The following COL9A1 variants were observed in gnomAD, a reference collection of about 807,000 sequenced individuals.
The protein encoded by COL9A1 is collagen type IX alpha 1 chain, also known as collagen alpha-1(IX) chain.
In COL9A1, 104 loss-of-function variants were observed where a neutral mutation model predicts 142.6. That is an observed-to-expected ratio of 0.73 (90% confidence interval 0.62 to 0.86). COL9A1 has a LOEUF of 0.86. Among genes scored for constraint, COL9A1 ranks in the 40% least tolerant of loss-of-function variants. COL9A1 has a pLI of 0.00. For synonymous variants in COL9A1, 466 were observed against 396.0 expected (o/e 1.18, Z -2.10); for missense variants, 1,210 against 1,176.6 (o/e 1.03, Z -0.42).
chr6:70,249,949 G>T (rs557920872), intron 28 of COL9A1, among the ~76,000 whole-genome samples: 3 of 152,074 alleles, frequency 2.0e-5, no homozygotes, highest in African/African-American at 7.2e-5. Context: ...TAACTATATA[G>T]AGCTTTCTGC....
intron 28 of COL9A1, 128 bp from the exon 29 acceptor site, chr6:70,242,843 G>C (rs1770353001): frequency 1.3e-6 from 1 of 787,512 alleles, no homozygotes; most frequent in South Asian, 1.4e-5. Flanking sequence ...ATCCTACATA[G>C]TGCCTACAGC....
At position 70,221,388 on chromosome 6, in the gene COL9A1, C is replaced by G. The variant is rs186077774; in HGVS notation, c.2582-4307G>C. Among the ~76,000 whole-genome samples the G allele has an allele frequency of 9.9e-5, 15 of 152,214 alleles. No individual in the cohort carries two copies. In the East Asian group the frequency reaches 2.9e-3, roughly 29 times the overall value. ...CTTAATGTTGTGGTATTTGACAAAG[C>G]AGTATATGTTTAAGGAATTATAAAC... On this transcript the variant is annotated intron_variant, in intron 37 of 37. Coordinates refer to ENST00000357250, the MANE Select transcript of COL9A1 (RefSeq NM_001851.6).
At chr6:70,271,574 A>G in intron 14 of COL9A1, 81 bp downstream of exon 14, 1 of 1,252,054 alleles carries the variant, frequency 8.0e-7, no homozygotes, top group Non-Finnish European at 1.2e-6. Flanking sequence ...GTGGAAATGT[A>G]CAGTTAGGGT....
At chr6:70,301,933 G>A (rs1177114938) in intron 2 of COL9A1, 68 bp downstream of exon 2, 1 of 1,321,690 alleles carries the variant, frequency 7.6e-7, no homozygotes, top group African/African-American at 1.4e-5. Context: ...TCTTCAGTCA[G>A]CCACAGCCCT....
intron 10 of COL9A1, chr6:70,280,339 C>T (rs1436569879): frequency 2.5e-6 from 3 of 1,202,134 alleles, no homozygotes; most frequent in Non-Finnish European, 3.1e-6. Context: ...TTTAGGAGTG[C>T]TCTGGCCCTT....
chr6:70,285,344 GT>G (rs1554246728), intron 5 of COL9A1, among the ~76,000 whole-genome samples: 2 of 152,096 alleles, frequency 1.3e-5, no homozygotes, highest in African/African-American at 2.4e-5. Flanking sequence ...TACAACAACC[GT>G]TTTTTGGCAT....
chr6:70,300,041 A>C lies in COL9A1; in HGVS notation c.299+2T>G, dbSNP rs764796150. ...TAGATTAAAATATTTTTGATAGATT[A>C]CCTAGTTGGAATCCTGAAGTCTACA... On this transcript the variant is annotated splice_donor_variant, in intron 4 of 37. Coordinates refer to ENST00000357250, the MANE Select transcript of COL9A1 (RefSeq NM_001851.6). LOFTEE classifies it high-confidence loss of function. The C allele has an allele frequency of 6.2e-7, 1 of 1,613,366 alleles. No homozygotes were observed. The highest frequency in any genetic ancestry group is 1.7e-5 in the Admixed American group (1 of 60,016).
Position 70,239,291 on chromosome 6 carries a change from A to G in COL9A1, c.2080-5T>C. The G allele has an allele frequency of 6.5e-7, 1 of 1,541,358 alleles. No individual in the cohort carries two copies. Among genetic ancestry groups the G allele is most frequent in the Non-Finnish European group, 9.0e-7 (1 of 1,114,230 alleles). ...GCCAGGTAATCCTATATCTCCCTAA[A>G]TCAATAAAAGAAATTTATGTTAGAA... On this transcript the variant is annotated splice_polypyrimidine_tract_variant and splice_region_variant and intron_variant, in intron 32 of 37. Coordinates refer to ENST00000357250, the MANE Select transcript of COL9A1 (RefSeq NM_001851.6).
At chr6:70,241,583 C>T in intron 30 of COL9A1, 129 bp from the exon 31 acceptor site, 3 of 764,240 alleles carry the variant, frequency 3.9e-6, no homozygotes, top group Non-Finnish European at 6.8e-6. Context: ...TCCCACTCCT[C>T]ACCACCCAAC....
intron 13 of COL9A1, 50 bp downstream of exon 13, chr6:70,272,015 T>C (rs1772431744): frequency 6.4e-6 from 10 of 1,567,708 alleles, no homozygotes; most frequent in Admixed American, 5.0e-5. Flanking sequence ...ATTTGAGAAA[T>C]AGGACATTTT....
rs773858370 is a variant in COL9A1 at position 70,260,639 on chromosome 6, T to C, written c.1449+18A>G. 6.2e-7 allele frequency: 1 copy of C among 1,611,618 alleles called. No individual in the cohort carries two copies. The highest frequency in any genetic ancestry group is 1.1e-5 in the South Asian group (1 of 90,914). ...TTTAACACATTTTGGTATTATATTA[T>C]TGTCATCACCATCTTACTTTTTCCC... On this transcript the variant is annotated intron_variant, in intron 20 of 37. Transcript: ENST00000357250.
chr6:70,244,850 T>C (rs1044986298), intron 28 of COL9A1, among the ~76,000 whole-genome samples: 1 of 152,188 alleles, frequency 6.6e-6, no homozygotes, highest in Non-Finnish European at 1.5e-5. Context: ...ATAAGTGCTT[T>C]CCAACCAGTG....
In COL9A1 at chr6:70,235,057, G is replaced by A. The variant is rs77714085; in HGVS notation, c.2113-117C>T. On this transcript the variant is annotated intron_variant, in intron 33 of 37. Coordinates refer to ENST00000357250, the MANE Select transcript of COL9A1 (RefSeq NM_001851.6). ...TTTCCTGCACTCTGCATCCTAACAG[G>A]TGTTCTTTCAGAGGTTACAAAACCT... is the stretch of plus-strand genomic sequence containing the variant. 1.6e-4 allele frequency: 205 copies of A among 1,289,700 alleles called. No individual in the cohort carries two copies. In the African/African-American group the frequency reaches 2.7e-3, roughly 17 times the overall value. The allele number at this position is 1,289,700 out of a possible 1,614,324, so 79.9% of individuals were successfully genotyped here. A position where few individuals can be genotyped will look rare whatever the true frequency, so the allele number is the denominator to read the frequency against.
intron 37 of COL9A1, 134 bp downstream of exon 37, chr6:70,225,798 C>G: frequency 2.7e-6 from 2 of 736,296 alleles, no homozygotes; most frequent in Non-Finnish European, 4.8e-6. Context: ...CTTGAAAAAT[C>G]TATGCTAGCC....
intron 19 of COL9A1, among the ~76,000 whole-genome samples, chr6:70,261,464 A>G (rs889985659): frequency 2.6e-5 from 4 of 152,196 alleles, no homozygotes; most frequent in Non-Finnish European, 5.9e-5. Context: ...TGGATGCTCC[A>G]TTAGGAAAGT....
intron 25 of COL9A1, 63 bp downstream of exon 25, chr6:70,254,413 C>T (rs1350885719): frequency 6.7e-7 from 1 of 1,502,202 alleles, no homozygotes; most frequent in Non-Finnish European, 9.3e-7. Flanking sequence ...TGTCTCTCCC[C>T]AAAATGTATA....
chr6:70,226,879 T>TA (rs1275171861), intron 36 of COL9A1, among the ~76,000 whole-genome samples: 1 of 151,990 alleles, frequency 6.6e-6, no homozygotes, highest in Non-Finnish European at 1.5e-5. Context: ...TAAGCCAGAG[T>TA]AAGCCACAAA....
Position 70,253,398 on chromosome 6 carries a change from A to G in COL9A1, c.1751T>C (p.Val584Ala), listed in dbSNP as rs761771942. The change falls in exon 26 of 38, where the codon GTT (valine) becomes GCT (alanine). Residue 584 changes from valine (V) to alanine (A), a missense_variant. Coordinates refer to ENST00000357250, the MANE Select transcript of COL9A1 (RefSeq NM_001851.6). The part of the protein sequence containing the change: ...GVPGIPGAKG[V>A]AGEKGSTGAP... ...AAAATATTTTACCTTTTCACCAGCA[A>G]CACCCTTTGCACCAGGAATTCCAGG... The G allele has an allele frequency of 3.7e-6, 6 of 1,603,624 alleles. No individual in the cohort carries two copies. The Admixed American group carries it at 8.3e-5, about 22-fold the overall frequency.
intron 37 of COL9A1, among the ~76,000 whole-genome samples, chr6:70,219,616 C>T (rs184182028): frequency 5.9e-5 from 9 of 152,304 alleles, no homozygotes; most frequent in East Asian, 3.9e-4. Context: ...TAATATTCCA[C>T]GTAAGTGTTG....
Sources: gnomAD v4.1 joint callset for allele counts (sites outside exome capture counted in the v4.1 genomes callset) on GRCh38, gnomAD v4.1.1 for gene constraint, MANE v1.5 for transcripts, NCBI Gene and HGNC (gene_info 2026-07-23, HGNC 2026-07-21) for gene names.